Variants in GTF2F2 observed in about 807,000 individuals in gnomAD.
GTF2F2 encodes general transcription factor IIF subunit 2.
GTF2F2 carries 23 observed loss-of-function variants against 42.2 expected under a neutral mutation model. The observed-to-expected ratio is 0.55, with a 90% CI of 0.39 to 0.77. The LOEUF is 0.77. GTF2F2 is among the 30% of genes least tolerant of loss of function. The probability of loss-of-function intolerance (pLI) is 0.00; values close to 1 mark genes in which losing one functional copy is unlikely to be tolerated. For missense variants in GTF2F2, 261 were observed against 287.2 expected, an observed-to-expected ratio of 0.91 and a Z score of 0.66; for synonymous variants, 105 against 100.8, an observed-to-expected ratio of 1.04 and a Z score of -0.25.
intron 4 of GTF2F2, among the ~76,000 whole-genome samples, chr13:45,155,082 A>AGATGTATGT (rs1186605386): frequency 6.6e-6 from 1 of 152,170 alleles, no homozygotes; most frequent in East Asian, 1.9e-4. Context: ...TTAAAATGTT[A>AGATGTATGT]GATGTATGTT....
chr13:45,234,061 G>T (rs181876400), intron 5 of GTF2F2, among the ~76,000 whole-genome samples: 1 of 152,128 alleles, frequency 6.6e-6, no homozygotes. Context: ...CATAAGCAAC[G>T]CAGATCATCA....
At chr13:45,178,244 T>G (rs1265492187) in intron 4 of GTF2F2, among the ~76,000 whole-genome samples, 1 of 151,890 alleles carries the variant, frequency 6.6e-6, no homozygotes, top group African/African-American at 2.4e-5. Flanking sequence ...TGTGCTACAC[T>G]CTGGAAAATT....
intron 4 of GTF2F2, among the ~76,000 whole-genome samples, chr13:45,175,158 T>C (rs1871812324): frequency 6.6e-6 from 1 of 152,214 alleles, no homozygotes; most frequent in Non-Finnish European, 1.5e-5. Flanking sequence ...TGAAATCAAC[T>C]GTTTTAGCTT....
chr13:45,194,208 C>T (rs766239313), intron 4 of GTF2F2: 1 of 1,614,146 alleles, frequency 6.2e-7, no homozygotes, highest in Non-Finnish European at 8.5e-7. Context: ...CTGCCAGTCC[C>T]TTGAGCTGAA....
At chr13:45,215,088 T>A (rs7336014) in intron 5 of GTF2F2, among the ~76,000 whole-genome samples, 33,245 of 152,168 alleles carry the variant, frequency 0.22, 3,886 homozygotes, top group African/African-American at 0.27. Flanking sequence ...TGAATATCCT[T>A]AGTCCAAAAA....
chr13:45,151,365 T>C (rs897328348), intron 3 of GTF2F2, among the ~76,000 whole-genome samples: 1 of 152,170 alleles, frequency 6.6e-6, no homozygotes, highest in Non-Finnish European at 1.5e-5. Context: ...CTTTCTCTCT[T>C]TTGTTTTTTT....
At chr13:45,133,009 C>T (rs1593446304) in intron 1 of GTF2F2, among the ~76,000 whole-genome samples, 1 of 151,838 alleles carries the variant, frequency 6.6e-6, no homozygotes, top group Non-Finnish European at 1.5e-5. Context: ...TTCAGCTGCT[C>T]AGGTGCAAGT....
chr13:45,188,671 G>A (rs1872517794), intron 4 of GTF2F2, among the ~76,000 whole-genome samples: 1 of 152,104 alleles, frequency 6.6e-6, no homozygotes, highest in Admixed American at 6.6e-5. Flanking sequence ...AAAAAGTTAA[G>A]GATCTTGCTT....
chr13:45,250,572 G>A lies in GTF2F2; in HGVS notation c.387-2299G>A, dbSNP rs77573240. On this transcript the variant is annotated intron_variant, in intron 5 of 7. Coordinates refer to ENST00000340473, the MANE Select transcript of GTF2F2 (RefSeq NM_004128.3). ...CCAACCTCTAACCCAGTGCCTGGCA[G>A]AAGTGGGTACCCAGTAAACACTTGC... is the stretch of plus-strand genomic sequence containing the variant. Among the ~76,000 whole-genome samples the A allele has an allele frequency of 8.2e-4, 125 of 152,282 alleles. 2 individuals are homozygous for A. In the East Asian group the frequency reaches 0.024, roughly 29 times the overall value.
intron 4 of GTF2F2, among the ~76,000 whole-genome samples, chr13:45,167,452 C>T (rs1871348875): frequency 1.4e-5 from 2 of 144,694 alleles, no homozygotes; most frequent in South Asian, 4.3e-4. Flanking sequence ...GGCTGGAGTG[C>T]AGTGGTGCTA....
intron 5 of GTF2F2, among the ~76,000 whole-genome samples, chr13:45,247,125 A>G: frequency 6.6e-6 from 1 of 151,586 alleles, no homozygotes. Flanking sequence ...TAAGGCGGGC[A>G]GATCACTTGA....
At chr13:45,160,339 G>A (rs1870974745) in intron 4 of GTF2F2, among the ~76,000 whole-genome samples, 1 of 152,170 alleles carries the variant, frequency 6.6e-6, no homozygotes, top group Non-Finnish European at 1.5e-5. Flanking sequence ...GTAATTAGTA[G>A]CATTTTCAGA....
intron 4 of GTF2F2, among the ~76,000 whole-genome samples, chr13:45,205,953 T>C (rs901900332): frequency 6.6e-6 from 1 of 152,260 alleles, no homozygotes; most frequent in African/African-American, 2.4e-5. Flanking sequence ...GATAGAACTT[T>C]CAGCTTCAGC....
At chr13:45,181,210 A>C (rs1872154053) in intron 4 of GTF2F2, among the ~76,000 whole-genome samples, 1 of 151,544 alleles carries the variant, frequency 6.6e-6, no homozygotes, top group Admixed American at 6.6e-5. Flanking sequence ...AAAACCAGAA[A>C]AACCAAAGGT....
At chr13:45,213,735 A>T (rs1009687865) in intron 5 of GTF2F2, among the ~76,000 whole-genome samples, 1 of 152,034 alleles carries the variant, frequency 6.6e-6, no homozygotes, top group Non-Finnish European at 1.5e-5. Flanking sequence ...TGGCAAAGGT[A>T]GGTACAGAAA....
chr13:45,278,978 C>T (rs904376343), intron 7 of GTF2F2, among the ~76,000 whole-genome samples: 1 of 151,926 alleles, frequency 6.6e-6, no homozygotes, highest in African/African-American at 2.4e-5. Context: ...GGCCTGCCAC[C>T]ACGCCCAGCT....
At chr13:45,129,038 GT>G (rs946379035) in intron 1 of GTF2F2, among the ~76,000 whole-genome samples, 4 of 152,198 alleles carry the variant, frequency 2.6e-5, no homozygotes, top group African/African-American at 9.7e-5. Context: ...GTCTCCAGTA[GT>G]TTGATCACAG....
intron 5 of GTF2F2, among the ~76,000 whole-genome samples, chr13:45,239,431 G>A (rs78519003): frequency 1.1e-3 from 174 of 152,270 alleles, no homozygotes; most frequent in African/African-American, 4.1e-3. Flanking sequence ...TGATAGTTAG[G>A]CAGTGGATTG....
intron 4 of GTF2F2, among the ~76,000 whole-genome samples, chr13:45,185,650 G>A (rs974898933): frequency 2.0e-5 from 3 of 152,066 alleles, no homozygotes; most frequent in Non-Finnish European, 4.4e-5. Context: ...TAATTAGTTT[G>A]ATTAGCCACT....
Sources: allele counts gnomAD v4.1 joint callset (sites outside exome capture counted in the v4.1 genomes callset), GRCh38; gene constraint gnomAD v4.1.1; transcripts MANE v1.5; gene names NCBI Gene and HGNC (gene_info 2026-07-23, HGNC 2026-07-21).